The following SPICE1 variants were observed in gnomAD, a reference collection of about 807,000 sequenced individuals.
SPICE1 encodes the protein spindle and centriole-associated protein 1.
SPICE1 carries 75 observed loss-of-function variants against 102.7 expected under a neutral mutation model. That is an observed-to-expected ratio of 0.73 (90% CI 0.61 to 0.88). SPICE1 has a LOEUF of 0.88. Among genes scored for constraint, SPICE1 ranks in the 40% least tolerant of loss-of-function variants. The pLI is 0.00. For missense variants in SPICE1, 979 were observed against 1,020.1 expected, an observed-to-expected ratio of 0.96 and a Z score of 0.55; for synonymous variants, 308 against 350.3, an observed-to-expected ratio of 0.88 and a Z score of 1.35.
intron 4 of SPICE1, among the ~76,000 whole-genome samples, chr3:113,497,684 GAGAGAGA>G (rs1475274384): frequency 6.8e-5 from 6 of 88,386 alleles, no homozygotes; most frequent in Non-Finnish European, 1.2e-4. Flanking sequence ...TACATACATA[GAGAGAGA>G]GAGAGAGAAA....
chr3:113,461,358 T>G (rs1009310927), intron 11 of SPICE1, among the ~76,000 whole-genome samples: 2 of 148,980 alleles, frequency 1.3e-5, no homozygotes, highest in South Asian at 4.2e-4. Context: ...TACATAAGGT[T>G]TTTTTTTTTC....
chr3:113,513,709 G>A (rs2107513909), intron 1 of SPICE1, among the ~76,000 whole-genome samples: 1 of 152,104 alleles, frequency 6.6e-6, no homozygotes, highest in South Asian at 2.1e-4. Flanking sequence ...AATCTCTCTT[G>A]CCCGCTCTTC....
At position 113,480,275 on chromosome 3, in the gene SPICE1, A is replaced by G. The variant is rs372941908; in HGVS notation, c.611+8670T>C. On this transcript the variant is annotated intron_variant, in intron 7 of 17. Transcript: ENST00000295872. ...ATAGTTTCAAAGGAGGAAAGCTATC[A>G]GCCTCAAAAAACAGATAGTCTCAGT... Among the ~76,000 whole-genome samples the G allele has an allele frequency of 5.3e-5, 8 of 152,052 alleles. No individual in the cohort carries two copies. The East Asian group carries it at 1.5e-3, about 29-fold the overall frequency.
intron 10 of SPICE1, among the ~76,000 whole-genome samples, chr3:113,467,875 A>G (rs144933255): frequency 2.5e-4 from 37 of 151,016 alleles, no homozygotes; most frequent in African/African-American, 8.5e-4. Flanking sequence ...AGATATAATT[A>G]TATTAATGGC....
At chr3:113,492,621 G>A (rs1488885530) in intron 6 of SPICE1, among the ~76,000 whole-genome samples, 3 of 152,020 alleles carry the variant, frequency 2.0e-5, no homozygotes, top group African/African-American at 7.3e-5. Context: ...CATTTACAAA[G>A]TACTATGTTC....
chr3:113,468,274 T>A lies in SPICE1; in HGVS notation c.1020A>T (p.Glu340Asp). 1.2e-6 allele frequency: 2 copies of A among 1,614,198 alleles called. No homozygotes were observed. Among genetic ancestry groups the A allele is most frequent in the Non-Finnish European group, 1.7e-6 (2 of 1,180,044 alleles). ...NLDVLKHMIH[E>D]VEHEMEEYER... ...CATATTCTTCCATTTCATGTTCCACTTCATGTATCATGTGTTTGAGGACAT... is the reference window on the plus strand; with the variant it reads ...CATATTCTTCCATTTCATGTTCCACATCATGTATCATGTGTTTGAGGACAT... Residue 340 changes from glutamate (E) to aspartate (D), a missense_variant, in exon 10 of 18, where the codon GAA becomes GAT. Physicochemically the swap from Glu to Asp is conservative, Grantham distance 45 (BLOSUM62 2). Coordinates refer to ENST00000295872, the MANE Select transcript of SPICE1 (RefSeq NM_144718.4).
intron 11 of SPICE1, among the ~76,000 whole-genome samples, chr3:113,462,630 A>T (rs76788720): frequency 0.022 from 3,417 of 152,346 alleles, 50 homozygotes; most frequent in Non-Finnish European, 0.036. Context: ...GTAGTTATTT[A>T]AGAGAAAGTA....
intron 2 of SPICE1, among the ~76,000 whole-genome samples, chr3:113,505,231 A>T (rs1456594055): frequency 6.6e-6 from 1 of 152,208 alleles, no homozygotes; most frequent in Non-Finnish European, 1.5e-5. Flanking sequence ...GAACCCGTGC[A>T]GCTCAAACTC....
chr3:113,505,943 C>A (rs1026909067), intron 2 of SPICE1, among the ~76,000 whole-genome samples: 1 of 152,110 alleles, frequency 6.6e-6, no homozygotes, highest in Admixed American at 6.6e-5. Context: ...TAACACCAGG[C>A]AATATTCAGG....
intron 6 of SPICE1, among the ~76,000 whole-genome samples, chr3:113,492,026 G>A (rs1166057536): frequency 2.0e-4 from 30 of 152,070 alleles, no homozygotes; most frequent in Non-Finnish European, 2.9e-5. Flanking sequence ...GAAATAAATA[G>A]GGCACACTTC....
At chr3:113,512,405 CTTTTT>C (rs34015506) in intron 1 of SPICE1, among the ~76,000 whole-genome samples, 7 of 104,410 alleles carry the variant, frequency 6.7e-5, no homozygotes, top group Non-Finnish European at 9.3e-5. Context: ...GAAAAGCTTT[CTTTTT>C]TTTTTTTTTT....
At position 113,443,740 on chromosome 3, in the gene SPICE1, T is replaced by C. The variant is rs1336119596; in HGVS notation, c.*1567A>G. On this transcript the variant is annotated 3_prime_UTR_variant, in exon 18 of 18. Coordinates refer to ENST00000295872, the MANE Select transcript of SPICE1 (RefSeq NM_144718.4). ...CCATTCTAATGCCACCACTCCCTAG[T>C]TGTGTGACCTTGAGAAAATACCTCC... The C allele has an allele frequency of 6.6e-6, 1 of 152,250 alleles. No individual in the cohort carries two copies. Among genetic ancestry groups the C allele is most frequent in the African/African-American group, 2.4e-5 (1 of 41,464 alleles). The allele number at this position is 152,250 out of a possible 1,614,324, so 9.4% of individuals were successfully genotyped here. A position where few individuals can be genotyped will look rare whatever the true frequency, so the allele number is the denominator to read the frequency against.
intron 12 of SPICE1, chr3:113,459,396 C>T: frequency 1.2e-6 from 1 of 868,774 alleles, no homozygotes. Context: ...CTCCGAGAAA[C>T]ACCCAAGAAT....
intron 1 of SPICE1, among the ~76,000 whole-genome samples, chr3:113,509,835 T>C (rs1170670620): frequency 2.0e-5 from 3 of 152,196 alleles, no homozygotes; most frequent in South Asian, 2.1e-4. Flanking sequence ...GTTTTCATGA[T>C]AGTGAATTCT....
At chr3:113,511,983 T>C (rs2050398029) in intron 1 of SPICE1, among the ~76,000 whole-genome samples, 1 of 152,190 alleles carries the variant, frequency 6.6e-6, no homozygotes, top group Non-Finnish European at 1.5e-5. Context: ...AAATTTTCTA[T>C]AATGGACCTA....
intron 10 of SPICE1, 58 bp downstream of exon 10, chr3:113,468,080 GA>G: frequency 6.4e-7 from 1 of 1,554,080 alleles, no homozygotes; most frequent in Non-Finnish European, 8.7e-7. Context: ...AAATGGAAAG[GA>G]AAAAAAACTC....
In SPICE1 at chr3:113,489,217, C is replaced by T. The variant is rs543129255; in HGVS notation, c.493-154G>A. On this transcript the variant is annotated intron_variant, in intron 6 of 17. Transcript: ENST00000295872. ...TCTTCTCACATCCTTCCACTACTAT[C>T]AATTATCCTATCTCTCTACCACATT... 2.0e-5 allele frequency among the ~76,000 whole-genome samples: 3 copies of T among 152,200 alleles called. No homozygotes were observed. The East Asian group carries it at 5.8e-4, about 29-fold the overall frequency.
intron 17 of SPICE1, among the ~76,000 whole-genome samples, chr3:113,446,050 C>T (rs1235650343): frequency 6.6e-6 from 1 of 152,184 alleles, no homozygotes; most frequent in Non-Finnish European, 1.5e-5. Flanking sequence ...TTTGAATATA[C>T]TGTGAAATGC....
intron 10 of SPICE1, among the ~76,000 whole-genome samples, chr3:113,467,412 C>G (rs1193799755): frequency 6.6e-6 from 1 of 152,208 alleles, no homozygotes; most frequent in Admixed American, 6.5e-5. Flanking sequence ...CTGCCTCAGC[C>G]TCCCCAGAAG....
Sources: gnomAD v4.1 joint callset for allele counts (sites outside exome capture counted in the v4.1 genomes callset) on GRCh38, gnomAD v4.1.1 for gene constraint, MANE v1.5 for transcripts, NCBI Gene and HGNC (gene_info 2026-07-23, HGNC 2026-07-21) for gene names.